The following ZNF771 variants were observed in gnomAD, a reference collection of about 807,000 sequenced individuals.
ZNF771 encodes mesenchymal stem cell protein DSC43.
ZNF771 carries 10 observed loss-of-function variants against 27.6 expected under a neutral mutation model. The observed-to-expected ratio is 0.36, with a 90% confidence interval of 0.22 to 0.61. The LOEUF (loss-of-function observed/expected upper bound fraction) is 0.61, where lower values mean the gene tolerates loss of function less well. ZNF771 is among the 20% of genes least tolerant of loss of function. The probability of loss-of-function intolerance (pLI) is 0.70; values close to 1 mark genes in which losing one functional copy is unlikely to be tolerated. For synonymous variants in ZNF771, 261 were observed against 225.2 expected, an observed-to-expected ratio of 1.16 and a Z score of -1.43; for missense variants, 438 against 503.7, an observed-to-expected ratio of 0.87 and a Z score of 1.25.
chr16:30,413,435 T>TACTGA (rs1299796399), intron 2 of ZNF771, among the ~76,000 whole-genome samples: 1 of 152,260 alleles, frequency 6.6e-6, no homozygotes, highest in East Asian at 1.9e-4. Flanking sequence ...TAAACAATAG[T>TACTGA]ACTGATGAAA....
Position 30,410,856 on chromosome 16 carries a change from CAAAAAAAAAAA to C in ZNF771, c.141+2679_141+2689del, listed in dbSNP as rs71149015. Among the ~76,000 whole-genome samples, 23 of 27,396 alleles carry C rather than the reference CAAAAAAAAAAA, an allele frequency of 8.4e-4. No individual in the cohort carries two copies. In the East Asian group the frequency reaches 0.024, roughly 28 times the overall value. 18.0% of individuals were successfully genotyped at this position (27,396 alleles called of 152,430 possible). ...GCAACATAGGGAGACCTCATCTCTA[CAAAAAAAAAAA>C]AAAAAAAAAAAAAAAAGTTTAATTA... On this transcript the variant is annotated intron_variant, in intron 2 of 2. Coordinates refer to ENST00000319296, the MANE Select transcript of ZNF771 (RefSeq NM_001142305.2).
chr16:30,415,511 T>A (rs941370218), intron 2 of ZNF771, among the ~76,000 whole-genome samples: 1 of 150,662 alleles, frequency 6.6e-6, no homozygotes, highest in African/African-American at 2.4e-5. Context: ...GCCTCCCGAG[T>A]AGCTGGGATT....
At chr16:30,408,428 C>G (rs145269603) in intron 2 of ZNF771, among the ~76,000 whole-genome samples, 42 of 152,276 alleles carry the variant, frequency 2.8e-4, no homozygotes, top group African/African-American at 9.6e-4. Flanking sequence ...CTTGGATCCC[C>G]CATGGAGCTT....
chr16:30,418,042 C>A lies in ZNF771; in HGVS notation c.629C>A (p.Thr210Lys). ...ERPYACADCG[T>K]RFAQSSALAK... is the part of the protein sequence containing the mutation. The stretch of plus-strand genomic sequence containing the variant: ...CCCTACGCTTGCGCCGACTGCGGCA[C>A]GCGCTTCGCTCAGAGCTCGGCGCTG... The change falls in exon 3 of 3, where the codon ACG becomes AAG. Residue 210 changes from threonine to lysine, a missense_variant. Physicochemically the swap from Thr to Lys is moderately conservative, Grantham distance 78. Transcript: ENST00000319296. The A allele has an allele frequency of 6.9e-7, 1 of 1,441,308 alleles. No individual in the cohort carries two copies. Among genetic ancestry groups the A allele is most frequent in the Non-Finnish European group, 9.0e-7 (1 of 1,107,694 alleles). The allele number at this position is 1,441,308 out of a possible 1,614,324, so 89.3% of individuals were successfully genotyped here.
At chr16:30,413,714 T>A (rs2050118227) in intron 2 of ZNF771, 1 of 272,292 alleles carries the variant, frequency 3.7e-6, no homozygotes, top group Admixed American at 4.3e-5. Flanking sequence ...GGACTACAAG[T>A]GCACCCCACC....
intron 2 of ZNF771, among the ~76,000 whole-genome samples, chr16:30,409,259 A>T (rs1362884887): frequency 6.6e-6 from 1 of 152,158 alleles, no homozygotes; most frequent in Non-Finnish European, 1.5e-5. Flanking sequence ...TATAGGTGTG[A>T]GCCACCGTAT....
At chr16:30,416,931 A>AG (rs1389172498) in intron 2 of ZNF771, among the ~76,000 whole-genome samples, 1 of 151,642 alleles carries the variant, frequency 6.6e-6, no homozygotes, top group Non-Finnish European at 1.5e-5. Flanking sequence ...AAAAAAAAAA[A>AG]AAAAAAAAAA....
At chr16:30,407,892 G>A in intron 1 of ZNF771, 153 bp from the exon 2 acceptor site, 1 of 582,994 alleles carries the variant, frequency 1.7e-6, no homozygotes, top group South Asian at 2.0e-5. Context: ...CGTGGGGCCG[G>A]GCTGGGGTGG....
At position 30,418,477 on chromosome 16, in the gene ZNF771, C is replaced by T; in HGVS notation, c.*110C>T. On this transcript the variant is annotated 3_prime_UTR_variant, in exon 3 of 3. Coordinates refer to ENST00000319296, the MANE Select transcript of ZNF771 (RefSeq NM_001142305.2). ...TGGGAAATTGAGGGGACGGCAGGCC[C>T]GGCTGCCCTGGAACTGGGAGACAGG... 2 of 1,156,052 alleles carry T rather than the reference C, an allele frequency of 1.7e-6. No individual in the cohort carries two copies. Among genetic ancestry groups the T allele is most frequent in the South Asian group, 3.9e-5 (2 of 51,538 alleles). The allele number at this position is 1,156,052 out of a possible 1,614,324, so 71.6% of individuals were successfully genotyped here. A position where few individuals can be genotyped will look rare whatever the true frequency, so the allele number is the denominator to read the frequency against.
chr16:30,418,944 G>GCTTAC lies in ZNF771; in HGVS notation c.*579_*583dup, dbSNP rs2050153073. The GCTTAC allele has an allele frequency of 1.3e-5, 2 of 152,442 alleles. No individual in the cohort carries two copies. Among genetic ancestry groups the GCTTAC allele is most frequent in the East Asian group, 3.9e-4 (2 of 5,184 alleles). 9.4% of individuals were successfully genotyped at this position (152,442 alleles called of 1,614,324 possible). A position where few individuals can be genotyped will look rare whatever the true frequency, so the allele number is the denominator to read the frequency against. On this transcript the variant is annotated 3_prime_UTR_variant, in exon 3 of 3. Coordinates refer to ENST00000319296, the MANE Select transcript of ZNF771 (RefSeq NM_001142305.2). ...AGGTTTTAACTGCTTTGTTATGTAA[G>GCTTAC]CTTACCCAGCCCGGCGCACAGTGAC... is the stretch of plus-strand genomic sequence containing the variant.
chr16:30,417,910 T>G lies in ZNF771; in HGVS notation c.497T>G (p.Leu166Arg). ...CAGAGCTCCAACTACGCACAGCACC[T>G]GCGCGTGCACACGGGCGAGAAGCCG... Reference protein sequence around the residue: ...FAQSSNYAQHLRVHTGEKPYA... With the variant: ...FAQSSNYAQHRRVHTGEKPYA... The change falls in exon 3 of 3, where the codon CTG becomes CGG. Residue 166 changes from leucine to arginine, a missense_variant. By Grantham distance (102) the Leu-to-Arg change is moderately radical. Coordinates refer to ENST00000319296, the MANE Select transcript of ZNF771 (RefSeq NM_001142305.2). The G allele has an allele frequency of 1.3e-6, 2 of 1,509,578 alleles. No individual in the cohort carries two copies. Among genetic ancestry groups the G allele is most frequent in the Non-Finnish European group, 1.8e-6 (2 of 1,139,784 alleles). The allele number at this position is 1,509,578 out of a possible 1,614,324, so 93.5% of individuals were successfully genotyped here.
At position 30,407,620 on chromosome 16, in the gene ZNF771, C is replaced by A. The variant is rs1360196616; in HGVS notation, c.-54C>A. The stretch of plus-strand genomic sequence containing the variant: ...GCGGCCTCGCTGAGTGCCCAGCCGC[C>A]CGGCGCCCAGGCCTGGGGCACCGCG... On this transcript the variant is annotated 5_prime_UTR_variant, in exon 1 of 3. Transcript: ENST00000319296. 6.4e-6 allele frequency: 1 copy of A among 156,632 alleles called. No individual in the cohort carries two copies. Among genetic ancestry groups the A allele is most frequent in the Admixed American group, 6.4e-5 (1 of 15,698 alleles). 9.7% of individuals were successfully genotyped at this position (156,632 alleles called of 1,614,324 possible).
intron 1 of ZNF771, 134 bp from the exon 2 acceptor site, chr16:30,407,911 G>C: frequency 1.6e-6 from 1 of 619,610 alleles, no homozygotes; most frequent in Non-Finnish European, 2.8e-6. Flanking sequence ...GGACGGGAGA[G>C]GACCAGATTC....
chr16:30,409,968 A>G (rs1205333576), intron 2 of ZNF771, among the ~76,000 whole-genome samples: 1 of 152,224 alleles, frequency 6.6e-6, no homozygotes, highest in Non-Finnish European at 1.5e-5. Flanking sequence ...AGTTGTGAGG[A>G]ATGAATGAGT....
At chr16:30,410,767 C>G (rs1239304755) in intron 2 of ZNF771, among the ~76,000 whole-genome samples, 3 of 148,666 alleles carry the variant, frequency 2.0e-5, no homozygotes, top group Non-Finnish European at 4.4e-5. Context: ...CACCTGTAAT[C>G]CTAGCACTTT....
At chr16:30,417,015 T>C (rs565088059) in intron 2 of ZNF771, among the ~76,000 whole-genome samples, 14 of 151,894 alleles carry the variant, frequency 9.2e-5, no homozygotes, top group African/African-American at 3.1e-4. Context: ...CCCCCCATCA[T>C]GCATTCTGCT....
intron 2 of ZNF771, among the ~76,000 whole-genome samples, chr16:30,408,759 G>T (rs1157796156): frequency 6.6e-6 from 1 of 152,176 alleles, no homozygotes; most frequent in African/African-American, 2.4e-5. Context: ...ACTAGTAGGA[G>T]TCTGGGGTCA....
chr16:30,418,304 G>C lies in ZNF771; in HGVS notation c.891G>C (p.Lys297Asn). 1 of 1,497,872 alleles carries C rather than the reference G, an allele frequency of 6.7e-7. No individual in the cohort carries two copies. The highest frequency in any genetic ancestry group is 2.7e-5 in the East Asian group (1 of 36,880). The allele number at this position is 1,497,872 out of a possible 1,614,324, so 92.8% of individuals were successfully genotyped here. A position where few individuals can be genotyped will look rare whatever the true frequency, so the allele number is the denominator to read the frequency against. The stretch of plus-strand genomic sequence containing the variant: ...GCGCCGGCTGCGGCAGGGACTTCAA[G>C]CTGCCCCCTGGCGCCACGGCCGCCA... ...YICAGCGRDF[K>N]LPPGATAATA... is the part of the protein sequence containing the mutation. The change falls in exon 3 of 3, where the codon AAG becomes AAC. Residue 297 changes from lysine to asparagine, a missense_variant. Physicochemically the swap from Lys to Asn is moderately conservative, Grantham distance 94. Around this residue, in one of 3 missense-constraint regions of ZNF771, gnomAD observed 305 missense variants for 308.0 expected, o/e 0.99. Transcript: ENST00000319296.
At chr16:30,407,935 G>A in intron 1 of ZNF771, 110 bp from the exon 2 acceptor site, 1 of 741,634 alleles carries the variant, frequency 1.3e-6, no homozygotes, top group African/African-American at 1.8e-5. Context: ...GACCAGGGCA[G>A]GGCGGGAGAA....
Sources: gnomAD v4.1 joint callset for allele counts (sites outside exome capture counted in the v4.1 genomes callset) on GRCh38, gnomAD v4.1.1 for gene constraint, gnomAD v4.1.1 regional missense constraint, MANE v1.5 for transcripts, NCBI Gene and HGNC (gene_info 2026-07-23, HGNC 2026-07-21) for gene names.